SMARCD3: variants seen among roughly 807,000 people sequenced by gnomAD.
SMARCD3 encodes SWI/SNF related BAF chromatin remodeling complex subunit D3, also known as SWI/SNF-related matrix-associated actin-dependent regulator of chromatin subfamily D member 3.
SMARCD3 carries 14 observed loss-of-function variants against 58.0 expected under a neutral mutation model. The ratio of observed to expected loss-of-function variants is 0.24; its 90% CI spans 0.16 to 0.38. The LOEUF (loss-of-function observed/expected upper bound fraction) is 0.38. SMARCD3 is among the 10% of genes least tolerant of loss of function. SMARCD3 has a pLI of 1.00. For missense variants in SMARCD3, 408 were observed against 636.9 expected, an observed-to-expected ratio of 0.64 and a Z score of 3.87; for synonymous variants, 253 against 253.8, an observed-to-expected ratio of 1.00 and a Z score of 0.03.
chr7:151,277,100 G>C (rs979027052), upstream of SMARCD3: 1 of 150,106 alleles, frequency 6.7e-6, no homozygotes, highest in South Asian at 2.1e-4. Flanking sequence ...ACCCCGGCCC[G>C]GAGCGCGGCC....
In SMARCD3 at chr7:151,240,141, G is replaced by C. The variant is rs768288742; in HGVS notation, c.1144C>G (p.Gln382Glu). 2 of 1,614,040 alleles carry C rather than the reference G, an allele frequency of 1.2e-6. No homozygotes were observed. The highest frequency in any genetic ancestry group is 2.7e-5 in the African/African-American group (2 of 74,922). Residue 382 changes from glutamine (Q) to glutamate (E), a missense_variant, in exon 10 of 13, where the codon CAG becomes GAG. Gln to Glu is a conservative substitution (Grantham distance 29). This residue lies in a region of SMARCD3 where 115 missense variants were observed against 257.2 expected (regional missense o/e 0.45). Coordinates refer to ENST00000262188, the MANE Select transcript of SMARCD3 (RefSeq NM_001003801.2). ...CTGTCCAGAGCACTGATCTCCTGCTGGTTGGCCGTGGATAGGAGGAAGCTG... is the reference window on the plus strand; with the variant it reads ...CTGTCCAGAGCACTGATCTCCTGCTCGTTGGCCGTGGATAGGAGGAAGCTG... ...MSSFLLSTAN[Q>E]QEISALDSKI...
chr7:151,275,726 C>T lies in SMARCD3; in HGVS notation c.-99-475G>A, dbSNP rs565500808. 2.0e-3 allele frequency among the ~76,000 whole-genome samples: 297 copies of T among 152,286 alleles called. 1 individual carries two copies. The highest frequency in any genetic ancestry group is 2.4e-3 in the Non-Finnish European group (165 of 68,016). ...CTCCATGACTACCAGCTGGCCTAGG[C>T]GCCTCCCTCCTGGTCCCTGCTAGTG... On this transcript the variant is annotated intron_variant, in intron 1 of 13. Coordinates refer to the SMARCD3 transcript ENST00000356800.
Position 151,248,370 on chromosome 7 carries a change from G to GC in SMARCD3, c.78+114dup, listed in dbSNP as rs1159259572. On this transcript the variant is annotated intron_variant, in intron 1 of 12. Coordinates refer to ENST00000262188, the MANE Select transcript of SMARCD3 (RefSeq NM_001003801.2). This position sits in a 1 kb window ranked among gnomAD's most constrained non-coding sequence, Gnocchi z 6.1. Reference sequence around the variant, plus strand: ...CCGCGGCCGGGCCGTGGGCCATGACGCCCCCCACTAGAGGGGTGGGAGAGC... The same window carrying GC: ...CCGCGGCCGGGCCGTGGGCCATGACGCCCCCCCACTAGAGGGGTGGGAGAGC... The GC allele has an allele frequency of 4.5e-6, 4 of 879,730 alleles. No individual in the cohort carries two copies. The highest frequency in any genetic ancestry group is 7.2e-6 in the Non-Finnish European group (4 of 554,912). The allele number at this position is 879,730 out of a possible 1,614,324, so 54.5% of individuals were successfully genotyped here.
chr7:151,255,624 A>G (rs1803674645), intron 2 of SMARCD3, among the ~76,000 whole-genome samples: 2 of 152,110 alleles, frequency 1.3e-5, no homozygotes, highest in South Asian at 4.2e-4. Flanking sequence ...CATCTCTTAG[A>G]TCACTGCAGC....
upstream of SMARCD3, among the ~76,000 whole-genome samples, chr7:151,249,841 G>A (rs1803453628): frequency 1.3e-5 from 2 of 151,918 alleles, no homozygotes; most frequent in African/African-American, 4.8e-5. The surrounding 1 kb of genome is among the most constrained non-coding windows in gnomAD (Gnocchi z 4.8). Context: ...AGGAGGGACC[G>A]GAAGGAGGAG....
Position 151,242,543 on chromosome 7 carries a change from C to T in SMARCD3, c.517G>A (p.Glu173Lys). 1 of 1,614,174 alleles carries T rather than the reference C, an allele frequency of 6.2e-7. No homozygotes were observed. The highest frequency in any genetic ancestry group is 8.5e-7 in the Non-Finnish European group (1 of 1,180,020). The change falls in exon 5 of 13, where the codon GAG becomes AAG. Residue 173 changes from glutamate to lysine, a missense_variant. Around this residue, in one of 4 missense-constraint regions of SMARCD3, gnomAD observed 128 missense variants for 188.8 expected, o/e 0.68. Transcript: ENST00000262188. This position sits in a 1 kb window ranked among gnomAD's most constrained non-coding sequence, Gnocchi z 4.7. ...GAGGCAATGCTGCCGTCGGAATCCT[C>T]AGCATCAGGCTTCGCAGGGTTAAAA... ...NTFNPAKPDA[E>K]DSDGSIASWE...
chr7:151,242,311 G>T lies in SMARCD3; in HGVS notation c.580-79C>A. ...GCAGAAGGAGGCCAAGTTGGCAGCC[G>T]ACAGGGCAGTGGGCTTAGATGAAAT... On this transcript the variant is annotated intron_variant, in intron 5 of 12. Coordinates refer to ENST00000262188, the MANE Select transcript of SMARCD3 (RefSeq NM_001003801.2). This position sits in a 1 kb window ranked among gnomAD's most constrained non-coding sequence, Gnocchi z 4.7. The T allele has an allele frequency of 7.2e-7, 1 of 1,396,350 alleles. No homozygotes were observed. Among genetic ancestry groups the T allele is most frequent in the Non-Finnish European group, 1.0e-6 (1 of 983,356 alleles). 86.5% of individuals were successfully genotyped at this position (1,396,350 alleles called of 1,614,324 possible). A position where few individuals can be genotyped will look rare whatever the true frequency, so the allele number is the denominator to read the frequency against.
chr7:151,239,634 C>A lies in SMARCD3; in HGVS notation c.1286G>T (p.Arg429Leu). ...YVQDLLRSQS[R>L]DLKVMTDVAG... ...AGTCTCCCTCTTCACCTTGAGGTCC[C>A]GGCTCTGGGAGCGGAGCAGGTCTTG... The change falls in exon 11 of 13, where the codon CGG (arginine) becomes CTG (leucine). Residue 429 changes from arginine to leucine, a missense_variant. By Grantham distance (102) the Arg-to-Leu change is moderately radical. Coordinates refer to ENST00000262188, the MANE Select transcript of SMARCD3 (RefSeq NM_001003801.2). This position sits in a 1 kb window ranked among gnomAD's most constrained non-coding sequence, Gnocchi z 7.0. The A allele has an allele frequency of 6.2e-7, 1 of 1,614,072 alleles. No homozygotes were observed. Among genetic ancestry groups the A allele is most frequent in the Non-Finnish European group, 8.5e-7 (1 of 1,180,002 alleles).
At chr7:151,265,794 C>T (rs1804061720) in intron 2 of SMARCD3, among the ~76,000 whole-genome samples, 1 of 152,206 alleles carries the variant, frequency 6.6e-6, no homozygotes, top group African/African-American at 2.4e-5. Flanking sequence ...ACCTCTCTCA[C>T]TGGGTTATTG....
upstream of SMARCD3, among the ~76,000 whole-genome samples, chr7:151,250,082 G>A (rs1803464958): frequency 6.6e-6 from 1 of 152,086 alleles, no homozygotes. Context: ...GGGCCCTGAA[G>A]ACTGAAGGGT....
Position 151,241,675 on chromosome 7 carries a change from A to G in SMARCD3, c.778-22T>C. The G allele has an allele frequency of 6.2e-7, 1 of 1,603,188 alleles. No homozygotes were observed. The highest frequency in any genetic ancestry group is 8.5e-7 in the Non-Finnish European group (1 of 1,173,968). ...GAGGCTGGGAAAAGGGGACTGTGAA[A>G]GTTAGACCAAAGGGAGAGAAAGGAA... On this transcript the variant is annotated intron_variant, in intron 7 of 12. Coordinates refer to ENST00000262188, the MANE Select transcript of SMARCD3 (RefSeq NM_001003801.2). The surrounding 1 kb of genome is among the most constrained non-coding windows in gnomAD (Gnocchi z 5.3).
intron 1 of SMARCD3, among the ~76,000 whole-genome samples, chr7:151,275,749 G>A (rs1795320303): frequency 6.6e-6 from 1 of 152,224 alleles, no homozygotes; most frequent in South Asian, 2.1e-4. Context: ...GTCCCTGCTA[G>A]TGCCTGCTCT....
intron 8 of SMARCD3, 83 bp from the exon 9 acceptor site, chr7:151,240,605 G>A: frequency 9.6e-7 from 1 of 1,040,604 alleles, no homozygotes; most frequent in Admixed American, 2.2e-5. Context: ...GTTCTAGAAA[G>A]GCCACAAGAA....
chr7:151,260,808 C>T (rs768344252), intron 2 of SMARCD3, among the ~76,000 whole-genome samples: 6 of 152,180 alleles, frequency 3.9e-5, no homozygotes, highest in Non-Finnish European at 5.9e-5. Flanking sequence ...GCGATGAGAA[C>T]AGCAACAGGC....
intron 2 of SMARCD3, among the ~76,000 whole-genome samples, chr7:151,273,105 G>C (rs1795229943): frequency 6.6e-6 from 1 of 152,244 alleles, no homozygotes; most frequent in Admixed American, 6.5e-5. Context: ...GCTGCCAAGA[G>C]CCTGCAACGC....
intron 2 of SMARCD3, among the ~76,000 whole-genome samples, chr7:151,271,138 C>G: frequency 6.6e-6 from 1 of 152,092 alleles, no homozygotes; most frequent in East Asian, 1.9e-4. Flanking sequence ...TGGCCCTCTC[C>G]CCACCCTTCC....
Position 151,259,484 on chromosome 7 carries a change from C to T in SMARCD3, c.40-13813G>A, listed in dbSNP as rs567626051. 1.3e-4 allele frequency among the ~76,000 whole-genome samples: 19 copies of T among 151,220 alleles called. No individual in the cohort carries two copies. The South Asian group carries it at 2.7e-3, about 22-fold the overall frequency. The stretch of plus-strand genomic sequence containing the variant: ...TTCTTCACTGCTAAATCCCAAGTAC[C>T]TGGCACATGGCAGAACCTCCAACAT... On this transcript the variant is annotated intron_variant, in intron 2 of 13. Transcript: ENST00000356800.
intron 2 of SMARCD3, among the ~76,000 whole-genome samples, chr7:151,269,061 T>C (rs916370167): frequency 6.6e-6 from 1 of 152,116 alleles, no homozygotes; most frequent in Non-Finnish European, 1.5e-5. Context: ...TGATGGCAGG[T>C]GGCAGGGGGA....
Position 151,246,375 on chromosome 7 carries a change from C to A in SMARCD3, c.79-704G>T, listed in dbSNP as rs537739548. 2.0e-5 allele frequency among the ~76,000 whole-genome samples: 3 copies of A among 152,170 alleles called. No individual in the cohort carries two copies. The highest frequency in any genetic ancestry group is 4.8e-5 in the African/African-American group (2 of 41,430). On this transcript the variant is annotated intron_variant, in intron 1 of 12. Transcript: ENST00000262188. The surrounding 1 kb of genome is among the most constrained non-coding windows in gnomAD (Gnocchi z 4.4). ...TCCAAGTCCCCACATCCAGGGTCTT[C>A]GCTGACCAAGCTGCCCCCATAATTT...
Sources: gnomAD v4.1 joint callset for allele counts (sites outside exome capture counted in the v4.1 genomes callset) on GRCh38, gnomAD v4.1.1 for gene constraint, gnomAD v4.1.1 regional missense constraint, Gnocchi (gnomAD v3.1) non-coding constraint, MANE v1.5 for transcripts, NCBI Gene and HGNC (gene_info 2026-07-23, HGNC 2026-07-21) for gene names.